Variants in BCL9 observed in about 807,000 individuals in gnomAD.
BCL9 encodes B-cell CLL/lymphoma 9 protein.
A neutral mutation model predicts 88.5 loss-of-function variants in BCL9; 25 were observed. The observed-to-expected ratio is 0.28, with a 90% CI of 0.21 to 0.39. BCL9 has a LOEUF of 0.39. Ranked by LOEUF, BCL9 falls within the 10% of genes least tolerant of loss-of-function variation. The pLI is 1.00. For missense variants in BCL9, 1,817 were observed against 1,877.8 expected, an observed-to-expected ratio of 0.97 and a Z score of 0.60; for synonymous variants, 711 against 673.3, an observed-to-expected ratio of 1.06 and a Z score of -0.87.
At position 147,567,932 on chromosome 1, in the gene BCL9, C is replaced by CT. The variant is rs782753521; in HGVS notation, c.-478+26259dup. ...TCAAATTTTATATCCCATTGCAGCT[C>CT]TAACAATCACACCTTGAAAGTGTGT... On this transcript the variant is annotated intron_variant, in intron 1 of 9. Coordinates refer to ENST00000234739, the MANE Select transcript of BCL9 (RefSeq NM_004326.4). 1.8e-4 allele frequency among the ~76,000 whole-genome samples: 27 copies of CT among 152,316 alleles called. 1 individual carries two copies. In the South Asian group the frequency reaches 2.1e-3, roughly 12 times the overall value.
At chr1:147,572,837 C>A (rs1282046440) in intron 1 of BCL9, among the ~76,000 whole-genome samples, 2 of 152,228 alleles carry the variant, frequency 1.3e-5, no homozygotes, top group African/African-American at 4.8e-5. Flanking sequence ...ACCTCGGCCT[C>A]CCAGACTGCT....
chr1:147,562,355 G>T (rs1272571575), intron 1 of BCL9, among the ~76,000 whole-genome samples: 1 of 150,404 alleles, frequency 6.6e-6, no homozygotes, highest in African/African-American at 2.5e-5. Context: ...AATAAATAAA[G>T]GTACCTGGTA....
chr1:147,570,948 T>G lies in BCL9; in HGVS notation c.-478+29274T>G, dbSNP rs1655860069. On this transcript the variant is annotated intron_variant, in intron 1 of 9. Coordinates refer to ENST00000234739, the MANE Select transcript of BCL9 (RefSeq NM_004326.4). ...CTGTGCCCAGCCCATTGACTGATTT[T>G]CTTTTTTTCTTTTCCTTTTATTTTT... Among the ~76,000 whole-genome samples the G allele has an allele frequency of 2.6e-5, 4 of 152,198 alleles. No individual in the cohort carries two copies. In the Middle Eastern group the frequency reaches 0.01, roughly 391 times the overall value.
intron 6 of BCL9, 116 bp from the exon 7 acceptor site, chr1:147,615,687 T>C: frequency 1.6e-6 from 1 of 641,278 alleles, no homozygotes; most frequent in Non-Finnish European, 2.6e-6. Context: ...TTTCTGGTGG[T>C]TCTTTCTATT....
intron 1 of BCL9, among the ~76,000 whole-genome samples, chr1:147,570,682 C>A (rs1369187520): frequency 1.6e-5 from 2 of 122,096 alleles, no homozygotes; most frequent in African/African-American, 3.1e-5. Context: ...GTTGCATAGG[C>A]TGGTGTGCAA....
intron 1 of BCL9, among the ~76,000 whole-genome samples, chr1:147,559,825 A>C (rs797043667): frequency 2.6e-5 from 4 of 152,312 alleles, no homozygotes; most frequent in African/African-American, 9.6e-5. Flanking sequence ...AACAGATAGA[A>C]AAATAGTATT....
At chr1:147,585,467 G>A (rs988318816) in intron 1 of BCL9, among the ~76,000 whole-genome samples, 6 of 152,128 alleles carry the variant, frequency 3.9e-5, no homozygotes, top group Admixed American at 3.9e-4. Context: ...AGATGCTAAC[G>A]ATGGGGAGGG....
intron 1 of BCL9, among the ~76,000 whole-genome samples, chr1:147,570,326 C>T (rs1655821094): frequency 6.6e-6 from 1 of 152,080 alleles, no homozygotes; most frequent in Non-Finnish European, 1.5e-5. Context: ...TCACAGAAGC[C>T]ATGTCAGGAA....
At chr1:147,591,506 A>T (rs1315886401) in intron 1 of BCL9, among the ~76,000 whole-genome samples, 8 of 152,170 alleles carry the variant, frequency 5.3e-5, no homozygotes, top group Non-Finnish European at 5.9e-5. Context: ...AGCAATTCAT[A>T]CCTCATGGGG....
Position 147,620,331 on chromosome 1 carries a change from A to G in BCL9, c.2176A>G (p.Met726Val). ...MKGDVNLNVN[M>V]GSNSQMIPQK... ...GGGAGATGTCAATCTAAATGTCAAC[A>G]TGGGATCCAACTCTCAGATGATACC... Residue 726 changes from methionine (M) to valine (V), a missense_variant, in exon 8 of 10, where the codon ATG (methionine) becomes GTG (valine). Around this residue, in one of 2 missense-constraint regions of BCL9, gnomAD observed 1,228 missense variants for 1,191.6 expected, o/e 1.03. Transcript: ENST00000234739. The G allele has an allele frequency of 1.2e-6, 2 of 1,614,192 alleles. No homozygotes were observed.
intron 5 of BCL9, among the ~76,000 whole-genome samples, chr1:147,613,477 C>G (rs1658116916): frequency 6.6e-6 from 1 of 152,188 alleles, no homozygotes; most frequent in South Asian, 2.1e-4. Flanking sequence ...CCTGTTCGTA[C>G]ACGTTTCTGG....
Position 147,620,573 on chromosome 1 carries a change from C to T in BCL9, c.2418C>T (p.Pro806=), listed in dbSNP as rs139201962. Residue 806 remains proline, a synonymous_variant, in exon 8 of 10, where the codon CCC becomes CCT. Coordinates refer to ENST00000234739, the MANE Select transcript of BCL9 (RefSeq NM_004326.4). The part of the protein sequence containing the change: ...GLRNLREPIG[P]DQRTNSRLSH... Reference sequence around the variant, plus strand: ...GGAATCTCAGAGAACCAATTGGGCCCGACCAGAGGACTAACAGCCGGCTCA... The same window carrying T: ...GGAATCTCAGAGAACCAATTGGGCCTGACCAGAGGACTAACAGCCGGCTCA... 1.5e-5 allele frequency: 24 copies of T among 1,613,980 alleles called. No individual in the cohort carries two copies. In the African/African-American group the frequency reaches 1.9e-4, roughly 13 times the overall value.
At position 147,613,552 on chromosome 1, in the gene BCL9, C is replaced by A. The variant is rs192865138; in HGVS notation, c.370+353C>A. Reference sequence around the variant, plus strand: ...CTAGTTTGTCTGTGCCAGTGGCCCCCACTGGGGTAGTTTTTCTGGTATCCC... The same window carrying A: ...CTAGTTTGTCTGTGCCAGTGGCCCCAACTGGGGTAGTTTTTCTGGTATCCC... On this transcript the variant is annotated intron_variant, in intron 5 of 9. Coordinates refer to ENST00000234739, the MANE Select transcript of BCL9 (RefSeq NM_004326.4). Among the ~76,000 whole-genome samples the A allele has an allele frequency of 7.3e-4, 111 of 152,272 alleles. 2 individuals carry two copies. The East Asian group carries it at 0.019, about 26-fold the overall frequency.
chr1:147,543,606 C>T (rs1329926039), intron 1 of BCL9, among the ~76,000 whole-genome samples: 1 of 152,186 alleles, frequency 6.6e-6, no homozygotes, highest in Non-Finnish European at 1.5e-5. Flanking sequence ...AGTCAGAGAT[C>T]TTACCATGGT....
At chr1:147,555,760 T>C (rs1655078527) in intron 1 of BCL9, among the ~76,000 whole-genome samples, 1 of 152,174 alleles carries the variant, frequency 6.6e-6, no homozygotes, top group East Asian at 1.9e-4. Flanking sequence ...TGTGGGGCAA[T>C]CAGATTTTCC....
intron 1 of BCL9, among the ~76,000 whole-genome samples, chr1:147,567,825 T>A (rs1212330839): frequency 6.6e-6 from 1 of 152,168 alleles, no homozygotes; most frequent in Admixed American, 6.5e-5. Flanking sequence ...AATGTGCAGA[T>A]CCCCTTATCT....
chr1:147,618,018 A>G (rs1553204107), intron 7 of BCL9, among the ~76,000 whole-genome samples: 2 of 152,210 alleles, frequency 1.3e-5, no homozygotes, highest in African/African-American at 4.8e-5. Context: ...TTAATAAACA[A>G]TAATAAGGCA....
At chr1:147,552,409 A>T (rs1212381296) in intron 1 of BCL9, among the ~76,000 whole-genome samples, 1 of 150,790 alleles carries the variant, frequency 6.6e-6, no homozygotes, top group Non-Finnish European at 1.5e-5. Flanking sequence ...GGAGTTCGAG[A>T]CCACCCTGAC....
chr1:147,550,090 A>G (rs1055522146), intron 1 of BCL9, among the ~76,000 whole-genome samples: 1 of 152,122 alleles, frequency 6.6e-6, no homozygotes, highest in Non-Finnish European at 1.5e-5. Context: ...TAGATTCCCA[A>G]GAAAGGATCC....
Sources: gnomAD v4.1 joint callset for allele counts (sites outside exome capture counted in the v4.1 genomes callset) on GRCh38, gnomAD v4.1.1 for gene constraint, gnomAD v4.1.1 regional missense constraint, MANE v1.5 for transcripts, NCBI Gene and HGNC (gene_info 2026-07-23, HGNC 2026-07-21) for gene names.